The following TAF4 variants were observed in gnomAD, a reference collection of about 807,000 sequenced individuals.
TAF4 encodes transcription initiation factor TFIID subunit 4.
Under a neutral mutation model 90.3 loss-of-function variants are expected in TAF4, and 9 were observed. The ratio of observed to expected loss-of-function variants is 0.10; its 90% CI spans 0.06 to 0.17. The LOEUF is 0.17. Ranked by LOEUF, TAF4 falls within the 10% of genes least tolerant of loss-of-function variation. The pLI is 1.00. For synonymous variants in TAF4, 818 were observed against 638.9 expected (o/e 1.28, Z -4.23); for missense variants, 1,351 against 1,370.7 (o/e 0.99, Z 0.23).
chr20:62,045,356 G>A (rs1600859220), intron 1 of TAF4, among the ~76,000 whole-genome samples: 1 of 152,194 alleles, frequency 6.6e-6, no homozygotes, highest in African/African-American at 2.4e-5. Context: ...CCCTTGACTC[G>A]CTTCAGGTGC....
At position 62,006,900 on chromosome 20, in the gene TAF4, G is replaced by T. The variant is rs1223160467; in HGVS notation, c.1975-142C>A. ...CTTGGCCCTCACGGCAGCATGTCTG[G>T]ATGTCAAGGGCCAGGACCCCATCCT... On this transcript the variant is annotated intron_variant, in intron 6 of 14. Transcript: ENST00000252996. This position sits in a 1 kb window ranked among gnomAD's most constrained non-coding sequence, Gnocchi z 7.0. 2 of 1,190,802 alleles carry T rather than the reference G, an allele frequency of 1.7e-6. No homozygotes were observed. Among genetic ancestry groups the T allele is most frequent in the East Asian group, 3.1e-5 (1 of 32,316 alleles). The allele number at this position is 1,190,802 out of a possible 1,614,324, so 73.8% of individuals were successfully genotyped here.
At chr20:62,013,371 G>A (rs1362917442) in intron 2 of TAF4, among the ~76,000 whole-genome samples, 1 of 152,238 alleles carries the variant, frequency 6.6e-6, no homozygotes, top group Non-Finnish European at 1.5e-5. Flanking sequence ...CCAGGACAGA[G>A]GGACGCCACA....
rs2055745344 is a variant in TAF4, at chr20:62,006,417, A to G, written c.2223+93T>C. 1 of 1,295,926 alleles carries G rather than the reference A, an allele frequency of 7.7e-7. No individual in the cohort carries two copies. The allele number at this position is 1,295,926 out of a possible 1,614,324, so 80.3% of individuals were successfully genotyped here. A position where few individuals can be genotyped will look rare whatever the true frequency, so the allele number is the denominator to read the frequency against. On this transcript the variant is annotated intron_variant, in intron 7 of 14. Coordinates refer to ENST00000252996, the MANE Select transcript of TAF4 (RefSeq NM_003185.4). This position sits in a 1 kb window ranked among gnomAD's most constrained non-coding sequence, Gnocchi z 7.0. ...GCAGGAGGCTTCCTGCATGCTTGGA[A>G]AAGGTTTCTGAGCCGTGGCCAATTT... is the stretch of plus-strand genomic sequence containing the variant.
intron 9 of TAF4, among the ~76,000 whole-genome samples, chr20:62,001,724 C>T (rs901004899): frequency 2.0e-5 from 3 of 152,114 alleles, no homozygotes; most frequent in Non-Finnish European, 2.9e-5. Flanking sequence ...CTGAAGGACC[C>T]GGCCATGGGA....
Position 62,043,108 on chromosome 20 carries a change from G to A in TAF4, c.1360+21343C>T, listed in dbSNP as rs1358113532. On this transcript the variant is annotated intron_variant, in intron 1 of 14. Transcript: ENST00000252996. The stretch of plus-strand genomic sequence containing the variant: ...AGGCTAAGACAGGCAGATCGCTAGA[G>A]CCCAGGAGTCCAAGACCAGTCTGGG... 2.6e-5 allele frequency among the ~76,000 whole-genome samples: 4 copies of A among 152,208 alleles called. No individual in the cohort carries two copies. The East Asian group carries it at 5.8e-4, about 22-fold the overall frequency.
intron 1 of TAF4, among the ~76,000 whole-genome samples, chr20:62,031,893 T>C (rs1361182691): frequency 5.3e-5 from 8 of 151,856 alleles, no homozygotes; most frequent in Admixed American, 4.6e-4. Context: ...AGAGGGCAGC[T>C]GGCCCAGCAA....
At chr20:62,031,810 G>T (rs557315776) in intron 1 of TAF4, among the ~76,000 whole-genome samples, 2 of 152,012 alleles carry the variant, frequency 1.3e-5, no homozygotes, top group Non-Finnish European at 2.9e-5. Flanking sequence ...GGGAGACGCC[G>T]GGGTGCAGGG....
In TAF4 at chr20:62,023,759, AAAAAAAAAAAAG is replaced by A. The variant is rs1419749123; in HGVS notation, c.1361-9064_1361-9053del. ...CAAGACTCCATCTCAAAAAAAAAAA[AAAAAAAAAAAAG>A]AAAGAAAGAAAGAAAAAGAAAGCTC... On this transcript the variant is annotated intron_variant, in intron 1 of 14. Transcript: ENST00000252996. Among the ~76,000 whole-genome samples, 13 of 148,874 alleles carry A rather than the reference AAAAAAAAAAAAG, an allele frequency of 8.7e-5. 1 individual carries two copies. The highest frequency in any genetic ancestry group is 5.9e-4 in the East Asian group (3 of 5,118).
chr20:62,014,235 C>A (rs541305422), intron 2 of TAF4, among the ~76,000 whole-genome samples: 1 of 152,236 alleles, frequency 6.6e-6, no homozygotes, highest in South Asian at 2.1e-4. Flanking sequence ...GGTGAAGCCA[C>A]AGGGAGAGAA....
intron 1 of TAF4, among the ~76,000 whole-genome samples, chr20:62,032,070 A>ATC (rs1250838139): frequency 6.6e-6 from 1 of 152,258 alleles, no homozygotes; most frequent in Non-Finnish European, 1.5e-5. Flanking sequence ...AGCCAGCAGT[A>ATC]TCTCAGCACC....
At chr20:62,013,016 A>G in intron 2 of TAF4, 82 bp from the exon 3 acceptor site, 1 of 1,563,226 alleles carries the variant, frequency 6.4e-7, no homozygotes, top group African/African-American at 1.4e-5. Context: ...TATTCCTTCC[A>G]TATGTAACTA....
At chr20:62,021,789 CT>C (rs199577335) in intron 1 of TAF4, among the ~76,000 whole-genome samples, 18 of 149,196 alleles carry the variant, frequency 1.2e-4, no homozygotes, top group African/African-American at 1.5e-4. Context: ...AAGTTCTATA[CT>C]TTTTTTTTTG....
chr20:62,049,930 A>G (rs1401607657), intron 1 of TAF4, among the ~76,000 whole-genome samples: 2 of 152,134 alleles, frequency 1.3e-5, no homozygotes, highest in African/African-American at 4.8e-5. Context: ...TGACTGCTTC[A>G]GACCTGCTGC....
At chr20:62,024,865 G>A (rs1315808230) in intron 1 of TAF4, among the ~76,000 whole-genome samples, 8 of 150,498 alleles carry the variant, frequency 5.3e-5, no homozygotes, top group Non-Finnish European at 7.4e-5. Context: ...GAGAGACTCC[G>A]CGTCTCAAAA....
chr20:61,999,176 C>T (rs2055682379), intron 11 of TAF4, 68 bp from the exon 12 acceptor site: 2 of 1,572,782 alleles, frequency 1.3e-6, no homozygotes. Context: ...GGTTGTCTAG[C>T]ACCACTGGAC....
intron 2 of TAF4, among the ~76,000 whole-genome samples, chr20:62,014,045 TA>T (rs2055798494): frequency 2.0e-5 from 2 of 98,100 alleles, no homozygotes; most frequent in East Asian, 1.3e-3. Flanking sequence ...TGTGTGTGTG[TA>T]TGTGTGTGTG....
rs1491393148 is a variant in TAF4, at chr20:62,036,033, TTA to T, written c.1361-21328_1361-21327del. On this transcript the variant is annotated intron_variant, in intron 1 of 14. Coordinates refer to ENST00000252996, the MANE Select transcript of TAF4 (RefSeq NM_003185.4). ...AAATTAATCAAATTTCTTTTTTTTTTTAAAAAAAAAAAAGAGTTTTGCTCTTG... is the reference window on the plus strand; with the variant it reads ...AAATTAATCAAATTTCTTTTTTTTTTAAAAAAAAAAAGAGTTTTGCTCTTG... Among the ~76,000 whole-genome samples, 293 of 149,572 alleles carry T rather than the reference TTA, an allele frequency of 2.0e-3. 1 individual carries two copies. The highest frequency in any genetic ancestry group is 7.1e-3 in the African/African-American group (280 of 39,634).
intron 1 of TAF4, chr20:62,037,541 A>G (rs2055939637): frequency 6.6e-6 from 1 of 152,420 alleles, no homozygotes; most frequent in Non-Finnish European, 1.5e-5. Flanking sequence ...GGATCGTCTC[A>G]ATGTGACGGG....
At position 61,997,648 on chromosome 20, in the gene TAF4, G is replaced by C. The variant is rs754268801; in HGVS notation, c.2992C>G (p.Gln998Glu). The C allele has an allele frequency of 1.2e-6, 2 of 1,611,896 alleles. No individual in the cohort carries two copies. The highest frequency in any genetic ancestry group is 2.2e-5 in the South Asian group (2 of 90,456). ...AKEMQQQELA[Q>E]MRQRDANLTA... is the part of the protein sequence containing the mutation. The stretch of plus-strand genomic sequence containing the variant: ...AGGTTGGCGTCCCGCTGTCTCATTT[G>C]TGCCAGTTCCTGTTGCTGCATCTTT... Residue 998 changes from glutamine to glutamate, a missense_variant, in exon 14 of 15, where the codon CAA becomes GAA. By Grantham distance (29) the Gln-to-Glu change is conservative. Transcript: ENST00000252996.
Sources: allele counts gnomAD v4.1 joint callset (sites outside exome capture counted in the v4.1 genomes callset), GRCh38; gene constraint gnomAD v4.1.1; non-coding constraint Gnocchi (gnomAD v3.1); transcripts MANE v1.5; gene names NCBI Gene and HGNC (gene_info 2026-07-23, HGNC 2026-07-21).